TENM2: variants seen among roughly 807,000 people sequenced by gnomAD.
TENM2 encodes the protein teneurin-2.
TENM2 carries 52 observed loss-of-function variants against 245.2 expected under a neutral mutation model. The observed-to-expected ratio is 0.21, with a 90% CI of 0.17 to 0.27. The LOEUF (loss-of-function observed/expected upper bound fraction) is 0.27, where lower values mean the gene tolerates loss of function less well. Ranked by LOEUF, TENM2 falls within the 10% of genes least tolerant of loss-of-function variation. The pLI, the probability that TENM2 is intolerant of heterozygous loss-of-function variation, is 1.00. For synonymous variants in TENM2, 1,363 were observed against 1,438.9 expected, an observed-to-expected ratio of 0.95 and a Z score of 1.19; for missense variants, 3,046 against 3,666.8, an observed-to-expected ratio of 0.83 and a Z score of 4.37.
chr5:167,869,033 A>C (rs2151330076), intron 2 of TENM2, among the ~76,000 whole-genome samples: 2 of 152,314 alleles, frequency 1.3e-5, no homozygotes, highest in Middle Eastern at 6.8e-3. Flanking sequence ...AGGTGAACTG[A>C]GTTGCTCAAA....
At chr5:167,071,010 A>T in the TENM2 span, among the ~76,000 whole-genome samples, 1 of 152,150 alleles carries the variant, frequency 6.6e-6, no homozygotes, top group East Asian at 1.9e-4. Context: ...GTCTGACCGT[A>T]CTACAGGTTC....
the TENM2 span, among the ~76,000 whole-genome samples, chr5:167,237,674 G>A: frequency 6.6e-6 from 1 of 152,166 alleles, no homozygotes; most frequent in Non-Finnish European, 1.5e-5. Flanking sequence ...AATGTCAGCA[G>A]CTTGGAGGAA....
chr5:167,621,807 T>C (rs1398410882), intron 2 of TENM2, among the ~76,000 whole-genome samples: 1 of 152,168 alleles, frequency 6.6e-6, no homozygotes, highest in African/African-American at 2.4e-5. Flanking sequence ...GGGACAATTA[T>C]TTAAAATGGA....
At chr5:167,030,838 G>A in the TENM2 span, among the ~76,000 whole-genome samples, 1 of 152,140 alleles carries the variant, frequency 6.6e-6, no homozygotes, top group Non-Finnish European at 1.5e-5. Flanking sequence ...AGACACCCCT[G>A]TTATTTACCA....
Position 167,945,662 on chromosome 5 carries a change from AGTG to A in TENM2, c.713-6925_713-6923del, listed in dbSNP as rs1561965782. 2.0e-5 allele frequency among the ~76,000 whole-genome samples: 3 copies of A among 152,304 alleles called. No homozygotes were observed. The South Asian group carries it at 6.2e-4, about 32-fold the overall frequency. On this transcript the variant is annotated intron_variant, in intron 3 of 28. Transcript: ENST00000518659. The stretch of plus-strand genomic sequence containing the variant: ...CTGTAATTCCCGTGTTCCGCTATGC[AGTG>A]TTGATCTGTGCGTCATTGCGAATGC...
chr5:167,881,175 C>T (rs1187910869), intron 3 of TENM2, among the ~76,000 whole-genome samples: 1 of 152,096 alleles, frequency 6.6e-6, no homozygotes, highest in African/African-American at 2.4e-5. Context: ...ATTTTCTTGC[C>T]TCCCTAAGCA....
intron 2 of TENM2, among the ~76,000 whole-genome samples, chr5:167,462,339 G>C (rs974572795): frequency 2.0e-5 from 3 of 152,120 alleles, no homozygotes; most frequent in Non-Finnish European, 4.4e-5. Flanking sequence ...GCATCTACAG[G>C]TGGGTGCCTG....
intron 7 of TENM2, among the ~76,000 whole-genome samples, chr5:168,073,266 T>C (rs1438940178): frequency 6.6e-6 from 1 of 152,178 alleles, no homozygotes; most frequent in East Asian, 1.9e-4. Flanking sequence ...ACAGGAGGCT[T>C]GGGAGCATAA....
At chr5:167,906,798 C>T (rs956952880) in intron 3 of TENM2, among the ~76,000 whole-genome samples, 2 of 152,084 alleles carry the variant, frequency 1.3e-5, no homozygotes, top group African/African-American at 4.8e-5. Context: ...GGCTACGTTA[C>T]ATCCCTTTGA....
At chr5:168,227,511 C>CCTTT (rs1226958514) in intron 24 of TENM2, among the ~76,000 whole-genome samples, 23 of 147,034 alleles carry the variant, frequency 1.6e-4, no homozygotes, top group Non-Finnish European at 2.8e-4. Context: ...AAGTCATTTG[C>CCTTT]CTTTCTTTTT....
chr5:167,225,604 A>C, the TENM2 span, among the ~76,000 whole-genome samples: 1 of 152,064 alleles, frequency 6.6e-6, no homozygotes, highest in South Asian at 2.1e-4. Flanking sequence ...TATGTTCATC[A>C]GGGATAATGG....
chr5:168,248,084 A>G, exon 27 of TENM2: 2 of 1,613,944 alleles, frequency 1.2e-6, no homozygotes, highest in Non-Finnish European at 8.5e-7. Context: ...TTCAGCATCA[A>G]CGGCCTCATG....
At chr5:167,424,178 G>C (rs1243151798) in intron 2 of TENM2, among the ~76,000 whole-genome samples, 1 of 150,548 alleles carries the variant, frequency 6.6e-6, no homozygotes. Context: ...CCCACCTGAC[G>C]TCCTTCAAGG....
At position 168,054,186 on chromosome 5, in the gene TENM2, A is replaced by G. The variant is rs75433518; in HGVS notation, c.1309+6637A>G. Among the ~76,000 whole-genome samples, 3 of 152,330 alleles carry G rather than the reference A, an allele frequency of 2.0e-5. No individual in the cohort carries two copies. The East Asian group carries it at 5.8e-4, about 29-fold the overall frequency. ...CACATGTAGTCCCAAGAGCTGAAAC[A>G]TTTTCTAAAAGTCATTATTGTGTGA... On this transcript the variant is annotated intron_variant, in intron 6 of 28. Transcript: ENST00000518659.
At chr5:167,230,234 G>C in the TENM2 span, among the ~76,000 whole-genome samples, 1 of 152,172 alleles carries the variant, frequency 6.6e-6, no homozygotes, top group Non-Finnish European at 1.5e-5. Context: ...GGAAGGTCAA[G>C]GAGCTCTCAC....
chr5:167,220,909 C>T, the TENM2 span, among the ~76,000 whole-genome samples: 1 of 151,950 alleles, frequency 6.6e-6, no homozygotes, highest in South Asian at 2.1e-4. Flanking sequence ...TCACTGCAAC[C>T]TCCGCCTCCT....
intron 2 of TENM2, among the ~76,000 whole-genome samples, chr5:167,769,621 T>C (rs1170577385): frequency 2.0e-5 from 3 of 152,342 alleles, no homozygotes; most frequent in Non-Finnish European, 4.4e-5. Flanking sequence ...GTTTTGTAAG[T>C]ATCGTATTCC....
At chr5:167,126,527 C>A in the TENM2 span, among the ~76,000 whole-genome samples, 2 of 152,142 alleles carry the variant, frequency 1.3e-5, no homozygotes, top group Non-Finnish European at 2.9e-5. Context: ...CGATTCTAAT[C>A]TTTCCTTGTT....
At chr5:167,976,154 A>C (rs1782428964) in intron 4 of TENM2, among the ~76,000 whole-genome samples, 2 of 151,620 alleles carry the variant, frequency 1.3e-5, no homozygotes, top group South Asian at 4.2e-4. Flanking sequence ...TCCTTCCTTC[A>C]TCCATCTACC....
Sources: gnomAD v4.1 joint callset for allele counts (sites outside exome capture counted in the v4.1 genomes callset) on GRCh38, gnomAD v4.1.1 for gene constraint, MANE v1.5 for transcripts, NCBI Gene and HGNC (gene_info 2026-07-23, HGNC 2026-07-21) for gene names.